The following TMEM108 variants were observed in gnomAD, a reference collection of about 807,000 sequenced individuals.
TMEM108 encodes the protein cancer/testis antigen 124.
TMEM108 carries 12 observed loss-of-function variants against 35.1 expected under a neutral mutation model. The observed-to-expected ratio is 0.34, with a 90% CI of 0.22 to 0.55. The LOEUF is 0.55. TMEM108 is among the 20% of genes least tolerant of loss of function. TMEM108 has a pLI of 0.89. For missense variants in TMEM108, 680 were observed against 753.3 expected (o/e 0.90, Z 1.14); for synonymous variants, 287 against 308.6 (o/e 0.93, Z 0.73).
At chr3:133,206,352 GT>G (rs1228821547) in intron 2 of TMEM108, among the ~76,000 whole-genome samples, 6 of 152,234 alleles carry the variant, frequency 3.9e-5, no homozygotes, top group African/African-American at 1.2e-4. Flanking sequence ...CTGGCGAGGA[GT>G]TGTGATCCTT....
At chr3:133,217,025 G>C (rs1246673655) in intron 2 of TMEM108, among the ~76,000 whole-genome samples, 1 of 151,984 alleles carries the variant, frequency 6.6e-6, no homozygotes, top group Non-Finnish European at 1.5e-5. Context: ...CATAATAGTT[G>C]TACTAATTTA....
At chr3:133,122,778 G>A (rs913738300) in intron 2 of TMEM108, among the ~76,000 whole-genome samples, 20 of 150,200 alleles carry the variant, frequency 1.3e-4, no homozygotes, top group Non-Finnish European at 2.5e-4. Flanking sequence ...CAGGAGAATG[G>A]CCTGAACCTG....
chr3:133,235,497 TG>T lies in TMEM108; in HGVS notation c.40+6150del, dbSNP rs35857406. ...TGACAAACCTGAGAAAAACAAGCAA[TG>T]GGGAAAGTTTTACCACTTTCTAGGT... is the stretch of plus-strand genomic sequence containing the variant. On this transcript the variant is annotated intron_variant, in intron 3 of 5. Coordinates refer to ENST00000321871, the MANE Select transcript of TMEM108 (RefSeq NM_023943.4). Among the ~76,000 whole-genome samples, 29 of 152,156 alleles carry T rather than the reference TG, an allele frequency of 1.9e-4. No homozygotes were observed. In the South Asian group the frequency reaches 5.2e-3, roughly 27 times the overall value.
intron 3 of TMEM108, among the ~76,000 whole-genome samples, chr3:133,236,011 T>C (rs1203285020): frequency 6.6e-6 from 1 of 152,112 alleles, no homozygotes; most frequent in Non-Finnish European, 1.5e-5. Flanking sequence ...TACTGGAAAA[T>C]TGTTATGCTA....
chr3:133,389,242 T>C, intron 4 of TMEM108: 1 of 985,428 alleles, frequency 1.0e-6, no homozygotes, highest in Non-Finnish European at 1.2e-6. Context: ...GAGACATAAT[T>C]CTTCCTCCTG....
chr3:133,151,265 G>A (rs561444649), intron 2 of TMEM108, among the ~76,000 whole-genome samples: 10 of 152,134 alleles, frequency 6.6e-5, no homozygotes, highest in Non-Finnish European at 1.3e-4. Flanking sequence ...AAGGGAACAT[G>A]TTTGTTTTGT....
rs183939713 is a variant in TMEM108, at chr3:133,225,473, C to T, written c.-46-3793C>T. On this transcript the variant is annotated intron_variant, in intron 2 of 5. Coordinates refer to ENST00000321871, the MANE Select transcript of TMEM108 (RefSeq NM_023943.4). Reference sequence around the variant, plus strand: ...ATTGAGCTGTTGTACCCCCCTCCCCCAAAGAAGAACACTTCCCAGCCCCTG... The same window carrying T: ...ATTGAGCTGTTGTACCCCCCTCCCCTAAAGAAGAACACTTCCCAGCCCCTG... 4.6e-5 allele frequency among the ~76,000 whole-genome samples: 7 copies of T among 152,220 alleles called. No individual in the cohort carries two copies. The East Asian group carries it at 1.2e-3, about 25-fold the overall frequency.
rs73221179 is a variant in TMEM108 at position 133,295,424 on chromosome 3, G to A, written c.40+66073G>A. ...TCCTGGGCCCACTGTTTCATTCTCT[G>A]TAATTGGAGAGGCTGATGACTCATA... is the stretch of plus-strand genomic sequence containing the variant. On this transcript the variant is annotated intron_variant, in intron 3 of 5. Coordinates refer to ENST00000321871, the MANE Select transcript of TMEM108 (RefSeq NM_023943.4). 2.5e-3 allele frequency among the ~76,000 whole-genome samples: 382 copies of A among 152,332 alleles called. 1 individual carries two copies. Among genetic ancestry groups the A allele is most frequent in the Non-Finnish European group, 4.0e-3 (270 of 68,034 alleles).
At chr3:133,291,966 G>T (rs932638040) in intron 3 of TMEM108, among the ~76,000 whole-genome samples, 5 of 152,174 alleles carry the variant, frequency 3.3e-5, no homozygotes, top group African/African-American at 1.2e-4. Context: ...ATCTGCAGTG[G>T]TTCCCAACCC....
chr3:133,130,457 C>CAGCTGGGAAGACAGACAGACAGG (rs1944475897), intron 2 of TMEM108, among the ~76,000 whole-genome samples: 1 of 152,180 alleles, frequency 6.6e-6, no homozygotes, highest in Non-Finnish European at 1.5e-5. Flanking sequence ...GGAAGACAGA[C>CAGCTGGGAAGACAGACAGACAGG]AGCTGGGCTC....
At chr3:133,362,555 G>A (rs889805423) in intron 3 of TMEM108, among the ~76,000 whole-genome samples, 6 of 152,290 alleles carry the variant, frequency 3.9e-5, no homozygotes, top group South Asian at 2.1e-4. Context: ...CAGCTGTAAC[G>A]CATTCATTTG....
chr3:133,133,819 A>G (rs919423624), intron 2 of TMEM108, among the ~76,000 whole-genome samples: 5 of 151,106 alleles, frequency 3.3e-5, no homozygotes, highest in African/African-American at 9.8e-5. Context: ...GATGGAGTGC[A>G]GTGGCGCGAT....
At chr3:133,185,769 CT>C (rs1945409643) in intron 2 of TMEM108, among the ~76,000 whole-genome samples, 1 of 87,240 alleles carries the variant, frequency 1.1e-5, no homozygotes, top group South Asian at 4.3e-4. Context: ...CGTTTCTTTT[CT>C]TTTCTTTTCT....
intron 2 of TMEM108, among the ~76,000 whole-genome samples, chr3:133,086,605 G>A (rs1199147357): frequency 6.6e-6 from 1 of 152,100 alleles, no homozygotes; most frequent in Non-Finnish European, 1.5e-5. Context: ...TGTGAAACAG[G>A]CCCTCTCTTT....
Position 133,381,173 on chromosome 3 carries a change from C to T in TMEM108, c.1450+12C>T, listed in dbSNP as rs1340120599. ...CATCTCCTCCTGCTGTAAGTGCCGC[C>T]CTCTCCCACCCATCCTCTCCCTCTA... On this transcript the variant is annotated intron_variant, in intron 4 of 5. Coordinates refer to ENST00000321871, the MANE Select transcript of TMEM108 (RefSeq NM_023943.4). The T allele has an allele frequency of 1.3e-6, 2 of 1,576,514 alleles. No individual in the cohort carries two copies. The highest frequency in any genetic ancestry group is 3.4e-5 in the Admixed American group (2 of 58,112).
chr3:133,052,442 T>C (rs909997006), intron 2 of TMEM108, among the ~76,000 whole-genome samples: 3 of 151,934 alleles, frequency 2.0e-5, no homozygotes, highest in Non-Finnish European at 4.4e-5. Flanking sequence ...AAAGATACTT[T>C]TATTTCTTCC....
At chr3:133,230,175 T>A (rs1032807075) in intron 3 of TMEM108, among the ~76,000 whole-genome samples, 5 of 152,242 alleles carry the variant, frequency 3.3e-5, no homozygotes, top group Admixed American at 2.0e-4. Flanking sequence ...CTATCTTTCC[T>A]AGGCTGAGTG....
chr3:133,341,486 T>C (rs1043272266), intron 3 of TMEM108, among the ~76,000 whole-genome samples: 1 of 151,948 alleles, frequency 6.6e-6, no homozygotes, highest in Admixed American at 6.6e-5. Context: ...ACAGATTTAA[T>C]GCAATCCCTA....
chr3:133,366,199 A>T (rs1400278317), intron 3 of TMEM108, among the ~76,000 whole-genome samples: 2 of 152,186 alleles, frequency 1.3e-5, no homozygotes, highest in African/African-American at 2.4e-5. Context: ...TCTGAGCATA[A>T]CACAGGGTAA....
Sources: allele counts gnomAD v4.1 joint callset (sites outside exome capture counted in the v4.1 genomes callset), GRCh38; gene constraint gnomAD v4.1.1; transcripts MANE v1.5; gene names NCBI Gene and HGNC (gene_info 2026-07-23, HGNC 2026-07-21).